Variants in PACRG observed in about 807,000 individuals in gnomAD.
PACRG encodes the protein parkin coregulated gene protein.
In PACRG, 29 loss-of-function variants were observed where a neutral mutation model predicts 29.7. The ratio of observed to expected loss-of-function variants is 0.98; its 90% confidence interval spans 0.73 to 1.33. The LOEUF (loss-of-function observed/expected upper bound fraction) is 1.33. Among genes scored for constraint, PACRG ranks in the 40% most tolerant of loss-of-function variants. The pLI is 0.00. For missense variants in PACRG, 279 were observed against 316.2 expected, an observed-to-expected ratio of 0.88 and a Z score of 0.89; for synonymous variants, 116 against 118.7, an observed-to-expected ratio of 0.98 and a Z score of 0.15.
intron 4 of PACRG, among the ~76,000 whole-genome samples, chr6:163,129,413 G>A (rs1464832555): frequency 6.6e-6 from 1 of 152,214 alleles, no homozygotes; most frequent in Non-Finnish European, 1.5e-5. Context: ...AAGATGACCA[G>A]GTGAGAGACG....
chr6:162,913,813 TGTG>T (rs1299791449), intron 2 of PACRG, among the ~76,000 whole-genome samples: 3 of 152,246 alleles, frequency 2.0e-5, no homozygotes, highest in African/African-American at 7.2e-5. Flanking sequence ...GAGCATATTT[TGTG>T]TACTTTTTAA....
chr6:162,785,970 A>G (rs766498750), intron 1 of PACRG, among the ~76,000 whole-genome samples: 1 of 152,308 alleles, frequency 6.6e-6, no homozygotes, highest in Non-Finnish European at 1.5e-5. Flanking sequence ...GGTCCTAAGC[A>G]AGGAATTTCT....
At chr6:162,832,969 A>G (rs931462045) in intron 2 of PACRG, among the ~76,000 whole-genome samples, 3 of 152,070 alleles carry the variant, frequency 2.0e-5, no homozygotes, top group Admixed American at 6.6e-5. Flanking sequence ...AATCTTTTTT[A>G]TATAATTTAT....
At chr6:163,051,437 G>C (rs1394378453) in intron 2 of PACRG, 1 of 152,010 alleles carries the variant, frequency 6.6e-6, no homozygotes, top group Non-Finnish European at 1.5e-5. Context: ...TTTGGCCCGG[G>C]CCCCAAGGGT....
At chr6:162,764,409 T>A (rs1021937297) in intron 1 of PACRG, among the ~76,000 whole-genome samples, 2 of 151,594 alleles carry the variant, frequency 1.3e-5, no homozygotes, top group Non-Finnish European at 2.9e-5. Flanking sequence ...TATTTTCTTA[T>A]AACTGAATCA....
At chr6:163,089,493 G>C (rs923065382) in intron 4 of PACRG, 85 bp downstream of exon 4, 17 of 1,482,424 alleles carry the variant, frequency 1.1e-5, no homozygotes, top group Non-Finnish European at 1.6e-5. Context: ...AACACGTTTA[G>C]GATTTATTAT....
intron 1 of PACRG, among the ~76,000 whole-genome samples, chr6:162,746,389 A>G (rs1780987327): frequency 6.6e-6 from 1 of 152,220 alleles, no homozygotes; most frequent in African/African-American, 2.4e-5. Flanking sequence ...TATAGTTTAG[A>G]ATTTTATATG....
At chr6:163,097,351 C>T (rs748195702) in intron 4 of PACRG, among the ~76,000 whole-genome samples, 1 of 152,192 alleles carries the variant, frequency 6.6e-6, no homozygotes, top group African/African-American at 2.4e-5. Context: ...GTTCATGACC[C>T]AGGCACATCC....
chr6:162,856,135 C>T (rs9458657), intron 2 of PACRG, among the ~76,000 whole-genome samples: 59,542 of 151,914 alleles, frequency 0.39, 12,399 homozygotes, highest in African/African-American at 0.49. Context: ...CAGCTCAATG[C>T]GGCCTCGAAC....
intron 2 of PACRG, among the ~76,000 whole-genome samples, chr6:162,888,149 G>A (rs1445808552): frequency 6.6e-6 from 1 of 151,576 alleles, no homozygotes; most frequent in Non-Finnish European, 1.5e-5. Context: ...GGTGGGCTGG[G>A]GTGGTCTCAT....
In PACRG at chr6:163,285,248, C is replaced by A. The variant is rs142437511; in HGVS notation, c.614-29579C>A. On this transcript the variant is annotated intron_variant, in intron 4 of 4. Coordinates refer to ENST00000366888, the MANE Select transcript of PACRG (RefSeq NM_001080379.2). ...CTGAACAGATCCAACTCTCCCCTAC[C>A]GCAGGGCCTTTGCGCAAACCCTTCT... is the stretch of plus-strand genomic sequence containing the variant. Among the ~76,000 whole-genome samples the A allele has an allele frequency of 2.6e-5, 4 of 152,070 alleles. No individual in the cohort carries two copies. The East Asian group carries it at 7.7e-4, about 29-fold the overall frequency.
chr6:162,934,107 T>C (rs1798065093), intron 2 of PACRG, among the ~76,000 whole-genome samples: 1 of 151,796 alleles, frequency 6.6e-6, no homozygotes, highest in South Asian at 2.1e-4. Flanking sequence ...CTACTAAAAA[T>C]ACAAAAGATA....
chr6:162,841,915 A>T (rs549076578), intron 2 of PACRG, among the ~76,000 whole-genome samples: 2 of 151,222 alleles, frequency 1.3e-5, no homozygotes, highest in East Asian at 3.9e-4. Context: ...TTTGAGTGAG[A>T]TTCTTAATTC....
intron 4 of PACRG, among the ~76,000 whole-genome samples, chr6:163,155,991 C>T (rs1340218168): frequency 6.6e-6 from 1 of 152,218 alleles, no homozygotes; most frequent in Non-Finnish European, 1.5e-5. Context: ...GAATTGTCTC[C>T]TTCAAGAACT....
intron 3 of PACRG, among the ~76,000 whole-genome samples, chr6:163,087,704 A>C (rs886674854): frequency 6.6e-6 from 1 of 150,886 alleles, no homozygotes; most frequent in Non-Finnish European, 1.5e-5. Flanking sequence ...GGAGGTGAGG[A>C]TGGAAACCAG....
At chr6:162,896,734 G>C (rs61377882) in intron 2 of PACRG, among the ~76,000 whole-genome samples, 4,254 of 152,330 alleles carry the variant, frequency 0.028, 186 homozygotes, top group African/African-American at 0.095. Context: ...TAAGCAAGCG[G>C]TCTGTGTGTG....
At chr6:163,229,683 AC>A (rs1368224981) in intron 4 of PACRG, among the ~76,000 whole-genome samples, 1 of 152,154 alleles carries the variant, frequency 6.6e-6, no homozygotes, top group Non-Finnish European at 1.5e-5. Flanking sequence ...GTTGGAAGAG[AC>A]CCTTGAATAG....
At chr6:163,084,089 A>T (rs1046247001) in intron 3 of PACRG, among the ~76,000 whole-genome samples, 1 of 152,232 alleles carries the variant, frequency 6.6e-6, no homozygotes, top group Non-Finnish European at 1.5e-5. Flanking sequence ...AGTAAGCAGT[A>T]CAATAGAAAT....
intron 4 of PACRG, among the ~76,000 whole-genome samples, chr6:163,214,839 C>T (rs948219012): frequency 2.6e-5 from 4 of 152,080 alleles, no homozygotes; most frequent in African/African-American, 9.7e-5. Flanking sequence ...TGGTTAGGAT[C>T]CTCGTCTTAT....
Sources: gnomAD v4.1 joint callset for allele counts (sites outside exome capture counted in the v4.1 genomes callset) on GRCh38, gnomAD v4.1.1 for gene constraint, MANE v1.5 for transcripts, NCBI Gene and HGNC (gene_info 2026-07-23, HGNC 2026-07-21) for gene names.